CDH13: variants seen among roughly 807,000 people sequenced by gnomAD.
The protein encoded by CDH13 is cadherin 13.
A neutral mutation model predicts 63.8 loss-of-function variants in CDH13; 24 were observed. That is an observed-to-expected ratio of 0.38 (90% confidence interval 0.27 to 0.53). The LOEUF (loss-of-function observed/expected upper bound fraction) is 0.53, where lower values mean the gene tolerates loss of function less well. Ranked by LOEUF, CDH13 falls within the 20% of genes least tolerant of loss-of-function variation. The pLI, the probability that CDH13 is intolerant of heterozygous loss-of-function variation, is 0.85. For synonymous variants in CDH13, 503 were observed against 355.3 expected (o/e 1.42, Z -4.67); for missense variants, 1,049 against 903.1 (o/e 1.16, Z -2.07).
chr16:83,134,588 A>AGAGT, intron 4 of CDH13, among the ~76,000 whole-genome samples: 1 of 51,960 alleles, frequency 1.9e-5, no homozygotes, highest in East Asian at 4.1e-4. Flanking sequence ...AGAGAGAGAG[A>AGAGT]GAGAGTGAGT....
In CDH13 at chr16:83,728,417, AAAC is replaced by A. The variant is rs1365939297; in HGVS notation, c.1539-19686_1539-19684del. On this transcript the variant is annotated intron_variant, in intron 10 of 13. Coordinates refer to ENST00000567109, the MANE Select transcript of CDH13 (RefSeq NM_001257.5). Reference sequence around the variant, plus strand: ...TGAAACGAGGAGAAAAGGTCTTGACAAACAACAGTTCAATAGCTCCTGCCAATA... The same window carrying A: ...TGAAACGAGGAGAAAAGGTCTTGACAAACAGTTCAATAGCTCCTGCCAATA... 4.8e-4 allele frequency among the ~76,000 whole-genome samples: 73 copies of A among 151,482 alleles called. 1 individual carries two copies. Among genetic ancestry groups the A allele is most frequent in the Admixed American group, 4.8e-3 (73 of 15,220 alleles).
At chr16:83,469,432 C>T (rs1450778768) in intron 6 of CDH13, among the ~76,000 whole-genome samples, 1 of 152,090 alleles carries the variant, frequency 6.6e-6, no homozygotes, top group Non-Finnish European at 1.5e-5. Context: ...AGGCCTTCCA[C>T]AGTCATTCAT....
At chr16:83,746,671 AG>A (rs34927090) in intron 10 of CDH13, among the ~76,000 whole-genome samples, 22,595 of 152,170 alleles carry the variant, frequency 0.15, 2,150 homozygotes, top group Non-Finnish European at 0.21. Context: ...CATCTTTACC[AG>A]TGTAAAGATT....
At chr16:82,741,820 A>G (rs1330034614) in intron 1 of CDH13, among the ~76,000 whole-genome samples, 1 of 152,208 alleles carries the variant, frequency 6.6e-6, no homozygotes, top group Non-Finnish European at 1.5e-5. Context: ...AAAAACATGG[A>G]TATCTGGCAT....
At chr16:82,710,552 A>AAATATATATATAT (rs60196638) in intron 1 of CDH13, among the ~76,000 whole-genome samples, 26 of 63,766 alleles carry the variant, frequency 4.1e-4, no homozygotes, top group East Asian at 1.9e-3. Flanking sequence ...AAAAAAAAAA[A>AAATATATATATAT]ATATATATAT....
chr16:83,588,048 T>C (rs1374088493), intron 7 of CDH13, among the ~76,000 whole-genome samples: 1 of 152,042 alleles, frequency 6.6e-6, no homozygotes, highest in Non-Finnish European at 1.5e-5. Flanking sequence ...CACCTGGAGA[T>C]GTGTGGCTGG....
intron 1 of CDH13, among the ~76,000 whole-genome samples, chr16:82,665,718 G>C (rs16958043): frequency 1.3e-5 from 2 of 151,988 alleles, no homozygotes; most frequent in African/African-American, 2.4e-5. Flanking sequence ...GGGACAATGT[G>C]ACAGTAGCCA....
chr16:83,460,719 T>C (rs1404010625), intron 6 of CDH13, among the ~76,000 whole-genome samples: 1 of 151,814 alleles, frequency 6.6e-6, no homozygotes, highest in Non-Finnish European at 1.5e-5. Flanking sequence ...ATAGCCTGAG[T>C]GCAGTGGCTT....
intron 2 of CDH13, among the ~76,000 whole-genome samples, chr16:82,891,800 G>T (rs924128315): frequency 1.3e-5 from 2 of 152,166 alleles, no homozygotes; most frequent in Non-Finnish European, 2.9e-5. Context: ...AAATGATTTT[G>T]AAATACCAGG....
chr16:83,767,022 C>T (rs1278378817), intron 11 of CDH13, among the ~76,000 whole-genome samples: 1 of 152,140 alleles, frequency 6.6e-6, no homozygotes, highest in Non-Finnish European at 1.5e-5. Context: ...AACCCCTTTC[C>T]CTTATAAATT....
chr16:83,673,845 A>G (rs1914724806), intron 9 of CDH13, among the ~76,000 whole-genome samples: 1 of 152,216 alleles, frequency 6.6e-6, no homozygotes, highest in Non-Finnish European at 1.5e-5. Flanking sequence ...AGCAGTTTCC[A>G]TCAGCTTGTC....
rs551780156 is a variant in CDH13, at chr16:83,040,295, G to A, written c.366+8077G>A. Among the ~76,000 whole-genome samples the A allele has an allele frequency of 3.3e-4, 51 of 152,256 alleles. No individual in the cohort carries two copies. The South Asian group carries it at 7.1e-3, about 21-fold the overall frequency. On this transcript the variant is annotated intron_variant, in intron 3 of 13. Coordinates refer to ENST00000567109, the MANE Select transcript of CDH13 (RefSeq NM_001257.5). ...GAACTAATGTGATAGATGAATATAT[G>A]AAGGGGAGTTTATTAGGAGAATTGA...
chr16:83,487,990 G>A (rs1006120760), intron 7 of CDH13, among the ~76,000 whole-genome samples: 1 of 152,182 alleles, frequency 6.6e-6, no homozygotes, highest in Non-Finnish European at 1.5e-5. Flanking sequence ...ATAGCAGTTG[G>A]CATGTGCTAA....
intron 10 of CDH13, among the ~76,000 whole-genome samples, chr16:83,708,589 C>T (rs776489469): frequency 6.6e-6 from 1 of 152,148 alleles, no homozygotes; most frequent in Non-Finnish European, 1.5e-5. Flanking sequence ...ACGCCCACAC[C>T]GCCTCCACTC....
intron 1 of CDH13, among the ~76,000 whole-genome samples, chr16:82,799,126 C>T (rs8057489): frequency 6.6e-6 from 1 of 151,920 alleles, no homozygotes; most frequent in Non-Finnish European, 1.5e-5. Flanking sequence ...AATTATATAT[C>T]CCCCTAAAAT....
chr16:83,729,121 C>G (rs1910763904), intron 10 of CDH13: 1 of 152,106 alleles, frequency 6.6e-6, no homozygotes, highest in Admixed American at 6.5e-5. Context: ...AGGCCCACCT[C>G]CAAGTACTGC....
intron 1 of CDH13, among the ~76,000 whole-genome samples, chr16:82,752,348 G>A (rs2034451377): frequency 6.6e-6 from 1 of 152,238 alleles, no homozygotes; most frequent in South Asian, 2.1e-4. Context: ...ATCTTTCCCT[G>A]GTTCAGCTTG....
rs115363441 is a variant in CDH13 at position 82,644,351 on chromosome 16, C to G, written c.45+17214C>G. Among the ~76,000 whole-genome samples the G allele has an allele frequency of 6.6e-6, 1 of 152,154 alleles. No individual in the cohort carries two copies. Among genetic ancestry groups the G allele is most frequent in the African/African-American group, 2.4e-5 (1 of 41,416 alleles). On this transcript the variant is annotated intron_variant, in intron 1 of 13. Coordinates refer to ENST00000567109, the MANE Select transcript of CDH13 (RefSeq NM_001257.5). This position sits in a 1 kb window ranked among gnomAD's most constrained non-coding sequence, Gnocchi z 5.7. ...CCACCCCTGCCTTCTGCGTCTCCCT[C>G]TGTGCTCTCCATCACCCCCCTACGG...
At chr16:82,646,485 C>A (rs777172319) in intron 1 of CDH13, among the ~76,000 whole-genome samples, 1 of 152,148 alleles carries the variant, frequency 6.6e-6, no homozygotes, top group African/African-American at 2.4e-5. Context: ...TGAGTCACCG[C>A]GCCTGGCCTA....
Sources: gnomAD v4.1 joint callset for allele counts (sites outside exome capture counted in the v4.1 genomes callset) on GRCh38, gnomAD v4.1.1 for gene constraint, Gnocchi (gnomAD v3.1) non-coding constraint, MANE v1.5 for transcripts, NCBI Gene and HGNC (gene_info 2026-07-23, HGNC 2026-07-21) for gene names.